Variants in UBASH3B observed in about 807,000 individuals in gnomAD.
The protein encoded by UBASH3B is ubiquitin associated and SH3 domain containing B.
Under a neutral mutation model 83.4 loss-of-function variants are expected in UBASH3B, and 37 were observed. The observed-to-expected ratio is 0.44, with a 90% CI of 0.34 to 0.58. UBASH3B has a LOEUF of 0.58. Among genes scored for constraint, UBASH3B ranks in the 20% least tolerant of loss-of-function variants. The pLI, the probability that UBASH3B is intolerant of heterozygous loss-of-function variation, is 0.01. For missense variants in UBASH3B, 657 were observed against 827.2 expected (o/e 0.79, Z 2.52); for synonymous variants, 304 against 318.3 (o/e 0.96, Z 0.48).
At chr11:122,763,886 A>AG (rs1238076512) in intron 1 of UBASH3B, among the ~76,000 whole-genome samples, 4 of 152,134 alleles carry the variant, frequency 2.6e-5, no homozygotes, top group Non-Finnish European at 4.4e-5. Context: ...GCTAGGGGAG[A>AG]GGGGGCAAGA....
intron 1 of UBASH3B, among the ~76,000 whole-genome samples, chr11:122,712,966 G>A (rs1864219004): frequency 7.2e-6 from 1 of 138,254 alleles, no homozygotes; most frequent in South Asian, 2.4e-4. Context: ...GGAGTGCAGT[G>A]GTGCGATCTC....
chr11:122,683,742 ATT>A (rs1491507476), intron 1 of UBASH3B, among the ~76,000 whole-genome samples: 2 of 88,780 alleles, frequency 2.3e-5, no homozygotes, highest in African/African-American at 3.8e-5. Context: ...TTAAAAAAAA[ATT>A]GTGTGTGTGT....
chr11:122,774,988 A>G (rs925833673), intron 1 of UBASH3B, among the ~76,000 whole-genome samples: 16 of 152,072 alleles, frequency 1.1e-4, no homozygotes, highest in African/African-American at 2.2e-4. Context: ...TATGTCCCCT[A>G]TGCTTTCCCT....
In UBASH3B at chr11:122,805,915, AT is replaced by A. The variant is rs1410350690; in HGVS notation, c.1596-494del. ...TTGCACTTCTCCTTGTGCCAAGTGT[AT>A]GGTCTGTGTTCAAAATAAGAGAGAA... On this transcript the variant is annotated intron_variant, in intron 11 of 13. Coordinates refer to ENST00000284273, the MANE Select transcript of UBASH3B (RefSeq NM_032873.5). 3.3e-5 allele frequency among the ~76,000 whole-genome samples: 5 copies of A among 152,350 alleles called. No homozygotes were observed. The South Asian group carries it at 1.0e-3, about 32-fold the overall frequency.
chr11:122,796,428 G>A, intron 8 of UBASH3B, 152 bp downstream of exon 8: 4 of 1,272,048 alleles, frequency 3.1e-6, no homozygotes, highest in Non-Finnish European at 4.3e-6. Flanking sequence ...ATTGTCTTGA[G>A]CTTTAGAGAA....
chr11:122,762,386 C>T (rs1285540033), intron 1 of UBASH3B, among the ~76,000 whole-genome samples: 4 of 152,156 alleles, frequency 2.6e-5, no homozygotes, highest in African/African-American at 7.2e-5. Flanking sequence ...CGAGGATCTG[C>T]GAGGAAGAAG....
intron 13 of UBASH3B, among the ~76,000 whole-genome samples, chr11:122,809,538 A>G (rs553244795): frequency 6.7e-6 from 1 of 148,870 alleles, no homozygotes; most frequent in South Asian, 2.2e-4. Flanking sequence ...CTTCTGATGA[A>G]TCCTCTTGCA....
At position 122,776,218 on chromosome 11, in the gene UBASH3B, G is replaced by C; in HGVS notation, c.162-1G>C. ...AATAGAAATTTGATTTCTTCTTTCA[G>C]ACAAAAAGCCTTGGCATCCACGGGA... On this transcript the variant is annotated splice_acceptor_variant, in intron 1 of 13. Transcript: ENST00000284273. LOFTEE classifies it high-confidence loss of function. 6.2e-7 allele frequency: 1 copy of C among 1,610,880 alleles called. No homozygotes were observed. The highest frequency in any genetic ancestry group is 8.5e-7 in the Non-Finnish European group (1 of 1,178,738).
intron 1 of UBASH3B, chr11:122,775,831 A>G (rs1860722205): frequency 5.5e-6 from 1 of 182,768 alleles, no homozygotes; most frequent in East Asian, 1.6e-4. Context: ...CTTTCTGCCA[A>G]AGGGGCTGAA....
intron 1 of UBASH3B, among the ~76,000 whole-genome samples, chr11:122,667,028 A>G (rs1016374069): frequency 6.7e-6 from 1 of 149,884 alleles, no homozygotes; most frequent in Non-Finnish European, 1.5e-5. Context: ...ATCCCCTGAT[A>G]ATGGCATTCT....
intron 1 of UBASH3B, among the ~76,000 whole-genome samples, chr11:122,749,742 T>A (rs1467600362): frequency 6.6e-6 from 1 of 152,126 alleles, no homozygotes; most frequent in Non-Finnish European, 1.5e-5. Flanking sequence ...ATTTTATTTA[T>A]TTTATTTTAA....
intron 1 of UBASH3B, among the ~76,000 whole-genome samples, chr11:122,666,831 T>C (rs936308052): frequency 2.0e-5 from 3 of 152,086 alleles, no homozygotes; most frequent in Non-Finnish European, 4.4e-5. Context: ...CTGTAATGCA[T>C]CTGGCTCCTC....
At chr11:122,736,818 GGA>G (rs1222161904) in intron 1 of UBASH3B, among the ~76,000 whole-genome samples, 2 of 152,164 alleles carry the variant, frequency 1.3e-5, no homozygotes, top group East Asian at 3.9e-4. Context: ...GGGAGGCTGA[GGA>G]GAGAGGATCG....
chr11:122,745,402 A>G (rs1861102925), intron 1 of UBASH3B, among the ~76,000 whole-genome samples: 1 of 152,202 alleles, frequency 6.6e-6, no homozygotes. Context: ...CACAGATCAT[A>G]ACAAAGTCTC....
chr11:122,708,537 G>A (rs923075244), intron 1 of UBASH3B, among the ~76,000 whole-genome samples: 2 of 151,862 alleles, frequency 1.3e-5, no homozygotes, highest in African/African-American at 4.8e-5. Flanking sequence ...CAAGTGATCC[G>A]CCCACCTTGG....
At chr11:122,724,036 A>G (rs1479851327) in intron 1 of UBASH3B, among the ~76,000 whole-genome samples, 4 of 152,184 alleles carry the variant, frequency 2.6e-5, no homozygotes, top group Admixed American at 2.0e-4. Flanking sequence ...TGTGGCAGCT[A>G]TTCTTGGGAT....
Position 122,655,840 on chromosome 11 carries a change from G to C in UBASH3B, c.-210G>C. ...GAGTGGCTGAGGCTGGTCCCGCAGC[G>C]GCCGCTTGCCGGCGTTCTGGCTCCT... On this transcript the variant is annotated 5_prime_UTR_variant, in exon 1 of 14. Coordinates refer to ENST00000284273, the MANE Select transcript of UBASH3B (RefSeq NM_032873.5). 1.9e-6 allele frequency: 1 copy of C among 522,590 alleles called. No homozygotes were observed. Among genetic ancestry groups the C allele is most frequent in the Non-Finnish European group, 3.2e-6 (1 of 311,888 alleles). The allele number at this position is 522,590 out of a possible 1,614,324, so 32.4% of individuals were successfully genotyped here.
At chr11:122,779,135 G>A (rs1234926189) in intron 3 of UBASH3B, among the ~76,000 whole-genome samples, 1 of 152,110 alleles carries the variant, frequency 6.6e-6, no homozygotes, top group East Asian at 1.9e-4. Flanking sequence ...TAGGTCTCTT[G>A]AACTTATTTC....
At position 122,797,000 on chromosome 11, in the gene UBASH3B, A is replaced by G; in HGVS notation, c.1324A>G (p.Thr442Ala). 2 of 1,613,678 alleles carry G rather than the reference A, an allele frequency of 1.2e-6. No homozygotes were observed. The highest frequency in any genetic ancestry group is 1.1e-5 in the South Asian group (1 of 91,042). ...FRDYEKDAPI[T>A]VFGCMQARLV... ...AGATTACGAGAAAGATGCTCCCATCACTGTGTTTGGATGCATGCAAGCAAG... is the reference window on the plus strand; with the variant it reads ...AGATTACGAGAAAGATGCTCCCATCGCTGTGTTTGGATGCATGCAAGCAAG... The change falls in exon 9 of 14, where the codon ACT becomes GCT. Residue 442 changes from threonine to alanine, a missense_variant. Thr to Ala is a moderately conservative substitution (Grantham distance 58). Coordinates refer to ENST00000284273, the MANE Select transcript of UBASH3B (RefSeq NM_032873.5).
Sources: gnomAD v4.1 joint callset for allele counts (sites outside exome capture counted in the v4.1 genomes callset) on GRCh38, gnomAD v4.1.1 for gene constraint, MANE v1.5 for transcripts, NCBI Gene and HGNC (gene_info 2026-07-23, HGNC 2026-07-21) for gene names.